The following MKLN1 variants were observed in gnomAD, a reference collection of about 807,000 sequenced individuals.
The protein encoded by MKLN1 is muskelin 1.
In MKLN1, 18 loss-of-function variants were observed where a neutral mutation model predicts 99.0. The ratio of observed to expected loss-of-function variants is 0.18; its 90% CI spans 0.13 to 0.27. The LOEUF is 0.27. Among genes scored for constraint, MKLN1 ranks in the 10% least tolerant of loss-of-function variants. MKLN1 has a pLI of 1.00. For missense variants in MKLN1, 621 were observed against 875.9 expected, an observed-to-expected ratio of 0.71 and a Z score of 3.67; for synonymous variants, 288 against 293.2, an observed-to-expected ratio of 0.98 and a Z score of 0.18.
chr7:131,289,251 G>A (rs1321190188), intron 3 of MKLN1, among the ~76,000 whole-genome samples: 1 of 152,238 alleles, frequency 6.6e-6, no homozygotes, highest in East Asian at 1.9e-4. Flanking sequence ...TTGGTGTCCT[G>A]TCTATTAGAA....
chr7:131,161,340 T>C (rs1290775252), intron 2 of MKLN1, among the ~76,000 whole-genome samples: 3 of 152,162 alleles, frequency 2.0e-5, no homozygotes, highest in Admixed American at 6.5e-5. Flanking sequence ...ACGGGTCACA[T>C]GTGGCTATCA....
intron 17 of MKLN1, among the ~76,000 whole-genome samples, chr7:131,486,398 A>G (rs1022162271): frequency 6.6e-6 from 1 of 152,126 alleles, no homozygotes; most frequent in Non-Finnish European, 1.5e-5. Context: ...CATCTCAAGT[A>G]AACATTCTCC....
chr7:131,272,984 C>T (rs531393061), intron 3 of MKLN1, among the ~76,000 whole-genome samples: 1 of 152,296 alleles, frequency 6.6e-6, no homozygotes, highest in Admixed American at 6.5e-5. Context: ...TAATTGTCTT[C>T]AAATGTAAAA....
chr7:131,254,776 A>G (rs1183704648), intron 3 of MKLN1, among the ~76,000 whole-genome samples: 2 of 152,224 alleles, frequency 1.3e-5, no homozygotes, highest in African/African-American at 4.8e-5. Flanking sequence ...ACGAAGAAAT[A>G]TGAACAGTAC....
chr7:131,328,765 C>T (rs568674502), intron 1 of MKLN1, among the ~76,000 whole-genome samples: 2 of 152,290 alleles, frequency 1.3e-5, no homozygotes, highest in South Asian at 2.1e-4. Flanking sequence ...TCAACACCGG[C>T]TTTGTCTTGA....
intron 3 of MKLN1, among the ~76,000 whole-genome samples, chr7:131,306,321 G>C (rs917899219): frequency 6.6e-6 from 1 of 152,232 alleles, no homozygotes; most frequent in Non-Finnish European, 1.5e-5. Context: ...AAATGTGGAA[G>C]TGACTTTGGA....
At position 131,428,279 on chromosome 7, in the gene MKLN1, C is replaced by G. The variant is rs73722821; in HGVS notation, c.848-754C>G. ...AAATCAGTTTTGTCAGCGGTAAAGT[C>G]TGTGAATATAATAGACATTTCAGAG... On this transcript the variant is annotated intron_variant, in intron 8 of 17. Coordinates refer to ENST00000352689, the MANE Select transcript of MKLN1 (RefSeq NM_013255.5). 6.3e-3 allele frequency among the ~76,000 whole-genome samples: 958 copies of G among 152,238 alleles called. 9 individuals are homozygous for G. The highest frequency in any genetic ancestry group is 0.022 in the African/African-American group (902 of 41,532).
intron 2 of MKLN1, among the ~76,000 whole-genome samples, chr7:131,181,738 C>T (rs1401996944): frequency 1.3e-5 from 2 of 151,572 alleles, no homozygotes; most frequent in Non-Finnish European, 2.9e-5. Context: ...CAGCTCACTG[C>T]ACCCTCCACC....
intron 3 of MKLN1, among the ~76,000 whole-genome samples, chr7:131,221,224 C>T (rs1584845731): frequency 6.6e-6 from 1 of 152,102 alleles, no homozygotes; most frequent in East Asian, 1.9e-4. Context: ...AAAGGGCCTG[C>T]GGGGTTTGAA....
At chr7:131,416,081 C>A (rs1260533106) in intron 8 of MKLN1, among the ~76,000 whole-genome samples, 1 of 152,150 alleles carries the variant, frequency 6.6e-6, no homozygotes, top group African/African-American at 2.4e-5. Flanking sequence ...CAGGTGTGAG[C>A]TACCATGTCC....
chr7:131,257,439 G>A (rs1356298184), intron 3 of MKLN1, among the ~76,000 whole-genome samples: 5 of 152,132 alleles, frequency 3.3e-5, no homozygotes, highest in Admixed American at 1.3e-4. Context: ...AAACTTATGG[G>A]AAGCCTAAAT....
intron 1 of MKLN1, among the ~76,000 whole-genome samples, chr7:131,115,710 A>G (rs1236779687): frequency 6.6e-6 from 1 of 151,918 alleles, no homozygotes; most frequent in African/African-American, 2.4e-5. Flanking sequence ...CACCAGCCTT[A>G]TTTCTCTTCC....
chr7:131,116,869 C>A (rs1427204687), intron 1 of MKLN1, among the ~76,000 whole-genome samples: 1 of 152,080 alleles, frequency 6.6e-6, no homozygotes, highest in East Asian at 1.9e-4. Context: ...CTTGGCTGGC[C>A]AGGCTGGGAA....
At chr7:131,246,072 G>A (rs1159735467) in intron 3 of MKLN1, among the ~76,000 whole-genome samples, 1 of 152,222 alleles carries the variant, frequency 6.6e-6, no homozygotes, top group Non-Finnish European at 1.5e-5. Context: ...GGGGGCCCAA[G>A]GTCCTGCATT....
Position 131,275,567 on chromosome 7 carries a change from A to AT in MKLN1, c.-179+72618dup, listed in dbSNP as rs869119196. 3.9e-3 allele frequency among the ~76,000 whole-genome samples: 22 copies of AT among 5,618 alleles called. 3 individuals carry two copies. The highest frequency in any genetic ancestry group is 0.022 in the East Asian group (2 of 92). 3.7% of individuals were successfully genotyped at this position (5,618 alleles called of 152,430 possible). On this transcript the variant is annotated intron_variant, in intron 3 of 7. Coordinates refer to the MKLN1 transcript ENST00000416992. ...TATATATATATATATATATATATAT[A>AT]TTTTTTTTTTTTTTTTTTTTTTTTT...
At chr7:131,347,576 A>C (rs1328621397) in intron 1 of MKLN1, among the ~76,000 whole-genome samples, 1 of 152,212 alleles carries the variant, frequency 6.6e-6, no homozygotes, top group African/African-American at 2.4e-5. Context: ...ACATTGCACC[A>C]GCTGGTAAAG....
At chr7:131,110,992 C>T (rs1795187957) in intron 1 of MKLN1, among the ~76,000 whole-genome samples, 1 of 152,196 alleles carries the variant, frequency 6.6e-6, no homozygotes, top group East Asian at 1.9e-4. Flanking sequence ...CAACTGAGAG[C>T]AGGGAAATAT....
intron 8 of MKLN1, among the ~76,000 whole-genome samples, chr7:131,420,528 G>C (rs1795162021): frequency 6.6e-6 from 1 of 152,174 alleles, no homozygotes; most frequent in Non-Finnish European, 1.5e-5. Flanking sequence ...TTTTAGACAA[G>C]TTAAGTCTGA....
chr7:131,244,459 G>A (rs1000393686), intron 3 of MKLN1, among the ~76,000 whole-genome samples: 2 of 152,044 alleles, frequency 1.3e-5, no homozygotes, highest in Non-Finnish European at 2.9e-5. Context: ...CTTCTTGTTC[G>A]TCTGAGTCAG....
Sources: allele counts gnomAD v4.1 joint callset (sites outside exome capture counted in the v4.1 genomes callset), GRCh38; gene constraint gnomAD v4.1.1; transcripts MANE v1.5; gene names NCBI Gene and HGNC (gene_info 2026-07-23, HGNC 2026-07-21).